HDLBP: variants seen among roughly 807,000 people sequenced by gnomAD.
HDLBP encodes the protein high density lipoprotein binding protein, also known as vigilin.
In HDLBP, 30 loss-of-function variants were observed where a neutral mutation model predicts 137.3. The ratio of observed to expected loss-of-function variants is 0.22; its 90% confidence interval spans 0.16 to 0.30. The LOEUF is 0.30. Among genes scored for constraint, HDLBP ranks in the 10% least tolerant of loss-of-function variants. The pLI is 1.00. For missense variants in HDLBP, 1,119 were observed against 1,667.3 expected, an observed-to-expected ratio of 0.67 and a Z score of 5.73; for synonymous variants, 606 against 596.0, an observed-to-expected ratio of 1.02 and a Z score of -0.24.
In HDLBP at chr2:241,266,773, AG is replaced by A. The variant is rs1308439008; in HGVS notation, c.76+20del. 7.0e-7 allele frequency: 1 copy of A among 1,422,908 alleles called. No individual in the cohort carries two copies. The highest frequency in any genetic ancestry group is 1.7e-5 in the Admixed American group (1 of 59,832). The allele number at this position is 1,422,908 out of a possible 1,614,324, so 88.1% of individuals were successfully genotyped here. On this transcript the variant is annotated intron_variant, in intron 3 of 27. Coordinates refer to ENST00000310931, the MANE Select transcript of HDLBP (RefSeq NM_005336.6). ...CAATGCCTTAGACATTACCAGGAAGAGCACATAAAAGGGCTGTCACCTTTGA... is the reference window on the plus strand; with the variant it reads ...CAATGCCTTAGACATTACCAGGAAGACACATAAAAGGGCTGTCACCTTTGA...
chr2:241,267,526 TCGTTCTCCTAACAGC>T, intron 2 of HDLBP: 1 of 1,497,216 alleles, frequency 6.7e-7, no homozygotes, highest in Non-Finnish European at 9.0e-7. Context: ...AACACCAGGA[TCGTTCTCCTAACAGC>T]GACCTTGGTT....
intron 1 of HDLBP, among the ~76,000 whole-genome samples, chr2:241,281,462 A>C (rs1340656012): frequency 6.6e-6 from 1 of 152,238 alleles, no homozygotes; most frequent in Non-Finnish European, 1.5e-5. Flanking sequence ...TGGGGGTTGC[A>C]ATGAGTTGAG....
Position 241,249,885 on chromosome 2 carries a change from C to G in HDLBP, c.1468G>C (p.Val490Leu). Residue 490 changes from valine to leucine, a missense_variant, in exon 12 of 28, where the codon GTG becomes CTG. By Grantham distance (32) the Val-to-Leu change is conservative. Coordinates refer to ENST00000310931, the MANE Select transcript of HDLBP (RefSeq NM_005336.6). ...LIRIEGDPQG[V>L]QQAKRELLEL... ...AGCAGCTCTCGCTTGGCCTGCTGCA[C>G]GCCCTGTGGGTCCCCCTCGATGCGG... 1 of 1,613,674 alleles carries G rather than the reference C, an allele frequency of 6.2e-7. No homozygotes were observed. Among genetic ancestry groups the G allele is most frequent in the Non-Finnish European group, 8.5e-7 (1 of 1,179,846 alleles).
chr2:241,302,533 ACT>A (rs1471649655), intron 1 of HDLBP: 3 of 152,122 alleles, frequency 2.0e-5, no homozygotes, highest in East Asian at 1.9e-4. Flanking sequence ...ACAGACTGAG[ACT>A]CTGTTTCAAA....
chr2:241,235,457 C>T, intron 22 of HDLBP, 33 bp downstream of exon 22: 1 of 1,544,542 alleles, frequency 6.5e-7, no homozygotes, highest in South Asian at 1.1e-5. Flanking sequence ...ACAGGCCACT[C>T]CTGTGACATG....
chr2:241,290,967 G>A (rs139772774), intron 1 of HDLBP, among the ~76,000 whole-genome samples: 2 of 152,124 alleles, frequency 1.3e-5, no homozygotes, highest in East Asian at 1.9e-4. Flanking sequence ...TACACTACAC[G>A]CCTCTGAAAG....
intron 1 of HDLBP, among the ~76,000 whole-genome samples, chr2:241,296,741 T>C (rs565070661): frequency 6.6e-6 from 1 of 152,358 alleles, no homozygotes; most frequent in East Asian, 1.9e-4. Flanking sequence ...GAAAAAAGAC[T>C]ACTCAACCAT....
At chr2:241,263,706 C>T (rs2073391581) in intron 4 of HDLBP, among the ~76,000 whole-genome samples, 1 of 152,058 alleles carries the variant, frequency 6.6e-6, no homozygotes, top group Non-Finnish European at 1.5e-5. Flanking sequence ...AGTTTTGAAA[C>T]TCACTAACAT....
At chr2:241,308,135 T>C (rs2075639537) in intron 1 of HDLBP, among the ~76,000 whole-genome samples, 1 of 152,206 alleles carries the variant, frequency 6.6e-6, no homozygotes, top group Admixed American at 6.5e-5. Context: ...TTTTCCAGCC[T>C]GATGTGCGGG....
rs372823425 is a variant in HDLBP at position 241,230,760 on chromosome 2, T to C, written c.3473A>G (p.Lys1158Arg). ...KAIRKIMDEFKVDIRFPQSGA... is the reference protein window; with the variant it reads ...KAIRKIMDEFRVDIRFPQSGA... ...CCACTGTGCTTCCAGCCGGCTCACCTTGAATTCGTCCATGATTTTGCGAAT... is the reference window on the plus strand; with the variant it reads ...CCACTGTGCTTCCAGCCGGCTCACCCTGAATTCGTCCATGATTTTGCGAAT... Residue 1158 changes from lysine to arginine, a missense_variant and splice_region_variant, in exon 25 of 28, where the codon AAG becomes AGG. Physicochemically the swap from Lys to Arg is conservative, Grantham distance 26. Coordinates refer to ENST00000310931, the MANE Select transcript of HDLBP (RefSeq NM_005336.6). This position sits in a 1 kb window ranked among gnomAD's most constrained non-coding sequence, Gnocchi z 5.0. The C allele has an allele frequency of 4.3e-6, 7 of 1,613,608 alleles. No individual in the cohort carries two copies. Among genetic ancestry groups the C allele is most frequent in the East Asian group, 2.2e-5 (1 of 44,890 alleles).
chr2:241,272,685 C>CA lies in HDLBP; in HGVS notation c.-102-4145dup. 2 of 778,884 alleles carry CA rather than the reference C, an allele frequency of 2.6e-6. No homozygotes were observed. Among genetic ancestry groups the CA allele is most frequent in the Non-Finnish European group, 3.1e-6 (2 of 647,218 alleles). 48.2% of individuals were successfully genotyped at this position (778,884 alleles called of 1,614,324 possible). ...GGCCTCCACGTCAGCAGCCACCCCC[C>CA]ACCCCCCCGCCCGGCAGCCCGCCCG... On this transcript the variant is annotated intron_variant, in intron 1 of 27. Transcript: ENST00000310931. The surrounding 1 kb of genome is among the most constrained non-coding windows in gnomAD (Gnocchi z 5.6).
chr2:241,299,711 C>T (rs551152025), intron 1 of HDLBP, among the ~76,000 whole-genome samples: 11 of 151,970 alleles, frequency 7.2e-5, no homozygotes, highest in Admixed American at 3.9e-4. Flanking sequence ...GTCAGGAGAT[C>T]GAGATCATCC....
rs545405389 is a variant in HDLBP, at chr2:241,231,308, C to T, written c.3289-364G>A. On this transcript the variant is annotated intron_variant, in intron 24 of 27. Transcript: ENST00000310931. ...CTGAGGCACGAGAATTGCTTGAACC[C>T]GGGAGGCGGAGGTTGCTGTGAGCCG... The T allele has an allele frequency of 7.3e-4, 120 of 163,730 alleles. 1 individual carries two copies. The Middle Eastern group carries it at 0.016, about 21-fold the overall frequency. 10.1% of individuals were successfully genotyped at this position (163,730 alleles called of 1,614,324 possible). A position where few individuals can be genotyped will look rare whatever the true frequency, so the allele number is the denominator to read the frequency against.
intron 9 of HDLBP, among the ~76,000 whole-genome samples, chr2:241,254,486 ATTT>A (rs34980914): frequency 7.2e-6 from 1 of 139,548 alleles, no homozygotes. Flanking sequence ...TCTTCAAAGT[ATTT>A]TTTTTTTTTT....
chr2:241,235,411 G>A (rs994155285), intron 22 of HDLBP, 79 bp downstream of exon 22: 11 of 1,462,636 alleles, frequency 7.5e-6, no homozygotes, highest in Admixed American at 3.4e-5. Flanking sequence ...TCAACAGGAA[G>A]TTGAGAAAGG....
At chr2:241,274,400 G>A (rs996564889) in intron 1 of HDLBP, among the ~76,000 whole-genome samples, 4 of 152,228 alleles carry the variant, frequency 2.6e-5, no homozygotes, top group African/African-American at 9.7e-5. Context: ...GTGGAAATAG[G>A]CATTCCCTTC....
chr2:241,253,525 T>A (rs777746239), intron 9 of HDLBP, 28 bp from the exon 10 acceptor site: 2 of 1,491,042 alleles, frequency 1.3e-6, no homozygotes, highest in Middle Eastern at 1.7e-4. Flanking sequence ...AAGAGATAGC[T>A]AAAACAGAAT....
In HDLBP at chr2:241,230,402, G is replaced by A. The variant is rs541773877; in HGVS notation, c.3475-133C>T. The A allele has an allele frequency of 3.7e-5, 24 of 654,518 alleles. No homozygotes were observed. Among genetic ancestry groups the A allele is most frequent in the African/African-American group, 3.6e-4 (20 of 55,514 alleles). The allele number at this position is 654,518 out of a possible 1,614,324, so 40.5% of individuals were successfully genotyped here. On this transcript the variant is annotated intron_variant, in intron 25 of 27. Coordinates refer to ENST00000310931, the MANE Select transcript of HDLBP (RefSeq NM_005336.6). This position sits in a 1 kb window ranked among gnomAD's most constrained non-coding sequence, Gnocchi z 5.0. ...AATCTGGTTTCAGAGTTGTTCTGAAGTCAGTCAGCCTCATCACCACACCAA... is the reference window on the plus strand; with the variant it reads ...AATCTGGTTTCAGAGTTGTTCTGAAATCAGTCAGCCTCATCACCACACCAA...
At chr2:241,260,610 A>G (rs2073078889) in intron 5 of HDLBP, among the ~76,000 whole-genome samples, 2 of 152,232 alleles carry the variant, frequency 1.3e-5, no homozygotes, top group African/African-American at 4.8e-5. Flanking sequence ...CCCTTAACGA[A>G]TTTGGGCAAT....
Sources: allele counts gnomAD v4.1 joint callset (sites outside exome capture counted in the v4.1 genomes callset), GRCh38; gene constraint gnomAD v4.1.1; non-coding constraint Gnocchi (gnomAD v3.1); transcripts MANE v1.5; gene names NCBI Gene and HGNC (gene_info 2026-07-23, HGNC 2026-07-21).